The following WWOX variants were observed in gnomAD, a reference collection of about 807,000 sequenced individuals.
The protein encoded by WWOX is WW domain containing oxidoreductase.
WWOX carries 69 observed loss-of-function variants against 46.2 expected under a neutral mutation model. The ratio of observed to expected loss-of-function variants is 1.49; its 90% confidence interval spans 1.23 to 1.82. The LOEUF is 1.82. WWOX is among the 40% of genes most tolerant of loss of function. The pLI, the probability that WWOX is intolerant of heterozygous loss-of-function variation, is 0.00. For missense variants in WWOX, 919 were observed against 542.6 expected (o/e 1.69, Z -6.89); for synonymous variants, 359 against 202.6 (o/e 1.77, Z -6.56).
intron 8 of WWOX, among the ~76,000 whole-genome samples, chr16:79,141,333 A>G (rs1402474988): frequency 6.6e-6 from 1 of 152,158 alleles, no homozygotes; most frequent in Non-Finnish European, 1.5e-5. Context: ...GTCTCCCTAG[A>G]ATGTGTACAA....
At chr16:78,140,221 T>C (rs573754955) in intron 4 of WWOX, among the ~76,000 whole-genome samples, 155 of 152,334 alleles carry the variant, frequency 1.0e-3, no homozygotes, top group Non-Finnish European at 1.8e-3. Context: ...AGGTGCCCGA[T>C]ACAGTCCACC....
chr16:78,965,923 A>G (rs2046355796), intron 8 of WWOX, among the ~76,000 whole-genome samples: 1 of 152,198 alleles, frequency 6.6e-6, no homozygotes, highest in Non-Finnish European at 1.5e-5. Flanking sequence ...GAAATGGGTG[A>G]TCTAATTTGG....
At chr16:78,950,469 G>A (rs2046036361) in intron 8 of WWOX, among the ~76,000 whole-genome samples, 1 of 151,566 alleles carries the variant, frequency 6.6e-6, no homozygotes, top group Non-Finnish European at 1.5e-5. Flanking sequence ...GTTACAGCAG[G>A]TGAACTTGAA....
intron 8 of WWOX, among the ~76,000 whole-genome samples, chr16:79,041,277 C>G (rs955369273): frequency 6.6e-6 from 1 of 152,176 alleles, no homozygotes; most frequent in Non-Finnish European, 1.5e-5. Context: ...TAAGGTTAAT[C>G]ATCTCCCTGT....
chr16:78,638,998 G>A (rs944431411), intron 8 of WWOX, among the ~76,000 whole-genome samples: 8 of 152,162 alleles, frequency 5.3e-5, no homozygotes, highest in Non-Finnish European at 8.8e-5. Flanking sequence ...GGCTTACTGG[G>A]TATCAGGGCT....
intron 8 of WWOX, among the ~76,000 whole-genome samples, chr16:78,628,251 C>T (rs1026849281): frequency 2.0e-5 from 3 of 152,168 alleles, no homozygotes; most frequent in African/African-American, 4.8e-5. Context: ...AAGGCCTCTC[C>T]CTCATGTCAC....
At chr16:79,148,664 G>A (rs2050223248) in intron 8 of WWOX, among the ~76,000 whole-genome samples, 1 of 152,068 alleles carries the variant, frequency 6.6e-6, no homozygotes, top group South Asian at 2.1e-4. Context: ...AGATCAATTC[G>A]GGAGAATTGA....
chr16:78,580,054 C>T (rs546073280), intron 8 of WWOX, among the ~76,000 whole-genome samples: 1 of 151,778 alleles, frequency 6.6e-6, no homozygotes, highest in African/African-American at 2.4e-5. Flanking sequence ...GCCATGTTTG[C>T]TGTTTTCTTT....
At chr16:78,139,855 C>G (rs536827415) in intron 4 of WWOX, among the ~76,000 whole-genome samples, 105 of 152,248 alleles carry the variant, frequency 6.9e-4, no homozygotes, top group Non-Finnish European at 1.3e-3. Flanking sequence ...TTAGTCATTA[C>G]TAGAGGCAAC....
intron 8 of WWOX, among the ~76,000 whole-genome samples, chr16:79,178,610 C>G (rs1037535525): frequency 6.6e-6 from 1 of 152,176 alleles, no homozygotes; most frequent in Admixed American, 6.5e-5. Flanking sequence ...AGCCACCACA[C>G]CCAGCCTGAT....
Position 78,999,116 on chromosome 16 carries a change from G to C in WWOX, c.1057-212492G>C, listed in dbSNP as rs551269521. On this transcript the variant is annotated intron_variant, in intron 8 of 8. Transcript: ENST00000566780. ...CAACACAACTGCAGAGCCAGCTCAA[G>C]AACCCAGCGCCAGTGGCTGATGCTT... Among the ~76,000 whole-genome samples, 4 of 151,860 alleles carry C rather than the reference G, an allele frequency of 2.6e-5. No individual in the cohort carries two copies. The South Asian group carries it at 8.3e-4, about 32-fold the overall frequency.
At chr16:79,127,652 G>C (rs962323010) in intron 8 of WWOX, among the ~76,000 whole-genome samples, 1 of 152,192 alleles carries the variant, frequency 6.6e-6, no homozygotes, top group Non-Finnish European at 1.5e-5. Context: ...TCGGCTGAGA[G>C]AGTATGCACT....
At chr16:78,448,869 G>C (rs980619550) in intron 8 of WWOX, among the ~76,000 whole-genome samples, 1 of 152,134 alleles carries the variant, frequency 6.6e-6, no homozygotes, top group African/African-American at 2.4e-5. Flanking sequence ...TGGTGAGGGG[G>C]CTGTTTAGCA....
At chr16:78,694,965 T>C (rs2048068437) in intron 8 of WWOX, among the ~76,000 whole-genome samples, 1 of 152,162 alleles carries the variant, frequency 6.6e-6, no homozygotes, top group African/African-American at 2.4e-5. Flanking sequence ...CCAGCCAGTC[T>C]TAGAAGCCCC....
intron 8 of WWOX, among the ~76,000 whole-genome samples, chr16:78,941,526 G>A (rs373214070): frequency 1.3e-5 from 2 of 151,388 alleles, no homozygotes; most frequent in Admixed American, 6.6e-5. Context: ...TAGTAGTCCT[G>A]TATGAAGCTG....
At chr16:79,022,606 C>G (rs1032071581) in intron 8 of WWOX, among the ~76,000 whole-genome samples, 1 of 152,164 alleles carries the variant, frequency 6.6e-6, no homozygotes, top group African/African-American at 2.4e-5. Context: ...TTTAGGATGT[C>G]AGTCCCAGTT....
At chr16:78,332,170 C>G (rs549106441) in intron 5 of WWOX, among the ~76,000 whole-genome samples, 4 of 152,106 alleles carry the variant, frequency 2.6e-5, no homozygotes, top group Non-Finnish European at 4.4e-5. Flanking sequence ...TTATGTCTTT[C>G]CCCACCCCAA....
intron 8 of WWOX, among the ~76,000 whole-genome samples, chr16:78,854,194 T>C (rs759377587): frequency 1.3e-5 from 2 of 152,226 alleles, no homozygotes; most frequent in Non-Finnish European, 2.9e-5. Context: ...CATTGTTCTT[T>C]CTACTCTAAC....
intron 8 of WWOX, among the ~76,000 whole-genome samples, chr16:79,098,479 G>A (rs1237816407): frequency 6.6e-6 from 1 of 152,222 alleles, no homozygotes; most frequent in Non-Finnish European, 1.5e-5. Flanking sequence ...AAGAAAAGAA[G>A]GTCATTGGAA....
Sources: allele counts gnomAD v4.1 joint callset (sites outside exome capture counted in the v4.1 genomes callset), GRCh38; gene constraint gnomAD v4.1.1; transcripts MANE v1.5; gene names NCBI Gene and HGNC (gene_info 2026-07-23, HGNC 2026-07-21).